Variants in MAEL observed in about 807,000 individuals in gnomAD.
The protein encoded by MAEL is maelstrom spermatogenic transposon silencer.
In MAEL, 46 loss-of-function variants were observed where a neutral mutation model predicts 62.0. The observed-to-expected ratio is 0.74, with a 90% CI of 0.59 to 0.95. MAEL has a LOEUF of 0.95. Among genes scored for constraint, MAEL ranks in the 40% least tolerant of loss-of-function variants. The probability of loss-of-function intolerance (pLI) is 0.00; values close to 1 mark genes in which losing one functional copy is unlikely to be tolerated. For missense variants in MAEL, 497 were observed against 526.8 expected (o/e 0.94, Z 0.55); for synonymous variants, 172 against 175.5 (o/e 0.98, Z 0.16).
chr1:166,999,259 T>C (rs1158515110), intron 5 of MAEL, among the ~76,000 whole-genome samples: 2 of 152,216 alleles, frequency 1.3e-5, no homozygotes, highest in Non-Finnish European at 2.9e-5. Context: ...AAGTTGTGAA[T>C]GCAAAGGGAA....
intron 6 of MAEL, among the ~76,000 whole-genome samples, 171 bp downstream of exon 6, chr1:167,004,475 C>T (rs1042479291): frequency 6.0e-5 from 9 of 150,380 alleles, no homozygotes; most frequent in African/African-American, 2.2e-4. Flanking sequence ...TTAAAAATGT[C>T]TCCAATTTTG....
At chr1:167,020,135 G>A (rs1336765592) in intron 10 of MAEL, among the ~76,000 whole-genome samples, 1 of 152,076 alleles carries the variant, frequency 6.6e-6, no homozygotes, top group Non-Finnish European at 1.5e-5. Flanking sequence ...CCCTTACAGG[G>A]CCACTTCATT....
chr1:167,011,019 A>G lies in MAEL; in HGVS notation c.846-5203A>G, dbSNP rs560345306. ...CCCCTTTGCTTTTTTTTTTCTACCT[A>G]ATTTCTAAAGGGCCCTTCCCCCTTC... On this transcript the variant is annotated intron_variant, in intron 8 of 11. Coordinates refer to ENST00000367872, the MANE Select transcript of MAEL (RefSeq NM_032858.3). 2.3e-3 allele frequency among the ~76,000 whole-genome samples: 340 copies of G among 150,482 alleles called. 3 individuals are homozygous for G. Among genetic ancestry groups the G allele is most frequent in the African/African-American group, 7.9e-3 (324 of 40,950 alleles).
intron 9 of MAEL, 51 bp downstream of exon 9, chr1:167,016,335 T>C: frequency 6.4e-7 from 1 of 1,562,972 alleles, no homozygotes; most frequent in Non-Finnish European, 8.8e-7. Flanking sequence ...GATTAAATTA[T>C]TCTGTGCCGT....
intron 1 of MAEL, among the ~76,000 whole-genome samples, chr1:166,978,740 C>A (rs1663671900): frequency 6.6e-6 from 1 of 152,214 alleles, no homozygotes; most frequent in African/African-American, 2.4e-5. Flanking sequence ...AGCCTTGTAT[C>A]TGGTTAAGCT....
At chr1:166,990,048 G>A in intron 2 of MAEL, 1 of 515,806 alleles carries the variant, frequency 1.9e-6, no homozygotes, top group South Asian at 2.8e-5. Context: ...ATTTGATGGT[G>A]AAAGGCCTGG....
At chr1:166,988,214 T>G (rs1387782703), upstream of MAEL, among the ~76,000 whole-genome samples, 1 of 151,814 alleles carries the variant, frequency 6.6e-6, no homozygotes, top group Non-Finnish European at 1.5e-5. Context: ...CAGGGCCTGG[T>G]GGTGTGCACC....
chr1:167,021,271 G>A, intron 11 of MAEL, 111 bp downstream of exon 11: 1 of 755,780 alleles, frequency 1.3e-6, no homozygotes, highest in East Asian at 2.7e-5. Context: ...TAGGATATAA[G>A]AAGCTTGTTG....
intron 8 of MAEL, chr1:167,005,676 A>G: frequency 4.3e-6 from 1 of 233,316 alleles, no homozygotes; most frequent in Non-Finnish European, 8.2e-6. Flanking sequence ...TTTATTACAT[A>G]GAACTCTTGT....
chr1:167,014,014 C>T (rs1200081632), intron 8 of MAEL, among the ~76,000 whole-genome samples: 2 of 152,196 alleles, frequency 1.3e-5, no homozygotes, highest in Non-Finnish European at 2.9e-5. Flanking sequence ...TCCAGAGCCT[C>T]TCCAGAGTTC....
chr1:167,018,609 G>A, intron 10 of MAEL, among the ~76,000 whole-genome samples: 1 of 152,138 alleles, frequency 6.6e-6, no homozygotes, highest in East Asian at 1.9e-4. Flanking sequence ...CTGCCTTAGA[G>A]CTTAATAGAT....
intron 10 of MAEL, 61 bp from the exon 11 acceptor site, chr1:167,021,024 C>A: frequency 8.5e-7 from 1 of 1,170,782 alleles, no homozygotes; most frequent in Non-Finnish European, 1.3e-6. Flanking sequence ...TGAAGACAGA[C>A]CATCCAGTAA....
intron 5 of MAEL, among the ~76,000 whole-genome samples, chr1:166,995,408 T>G (rs1282295074): frequency 6.6e-6 from 1 of 152,026 alleles, no homozygotes; most frequent in Non-Finnish European, 1.5e-5. Context: ...CCCGGCTACT[T>G]TTGTATTTTT....
At chr1:167,005,031 AC>A (rs1439284235) in intron 6 of MAEL, 44 bp from the exon 7 acceptor site, 1 of 1,577,454 alleles carries the variant, frequency 6.3e-7, no homozygotes, top group Admixed American at 1.7e-5. Flanking sequence ...AGGAGAAGAT[AC>A]AAGTAGTTTT....
chr1:166,995,121 C>T (rs1014160095), intron 5 of MAEL, among the ~76,000 whole-genome samples: 7 of 151,764 alleles, frequency 4.6e-5, no homozygotes, highest in African/African-American at 1.7e-4. Context: ...ATATTTTGGA[C>T]TTATATTTGG....
chr1:166,981,714 G>A (rs1026078469), intron 1 of MAEL, among the ~76,000 whole-genome samples: 4 of 152,180 alleles, frequency 2.6e-5, no homozygotes, highest in African/African-American at 9.7e-5. Context: ...AGGTAGTACA[G>A]ATGCACAAGC....
chr1:166,992,247 T>C (rs61447801), intron 3 of MAEL, among the ~76,000 whole-genome samples: 61,515 of 151,938 alleles, frequency 0.4, 13,612 homozygotes, highest in African/African-American at 0.6. Flanking sequence ...TATAGGTGGT[T>C]TTATATATAT....
upstream of MAEL, chr1:166,989,007 T>C (rs890435346): frequency 1.3e-5 from 3 of 237,480 alleles, no homozygotes; most frequent in Non-Finnish European, 1.7e-5. Context: ...GCAGCTCCTC[T>C]TTTTCTCTAC....
chr1:166,978,943 T>TG (rs1278846377), intron 1 of MAEL, among the ~76,000 whole-genome samples: 1 of 152,050 alleles, frequency 6.6e-6, no homozygotes, highest in African/African-American at 2.4e-5. Context: ...TTGTATGTGG[T>TG]GGGGGGACTA....
Sources: allele counts gnomAD v4.1 joint callset (sites outside exome capture counted in the v4.1 genomes callset), GRCh38; gene constraint gnomAD v4.1.1; transcripts MANE v1.5; gene names NCBI Gene and HGNC (gene_info 2026-07-23, HGNC 2026-07-21).